Variants in ZFC3H1 observed in about 807,000 individuals in gnomAD.
ZFC3H1 encodes zinc finger C3H1-type containing, also known as zinc finger C3H1 domain-containing protein.
ZFC3H1 carries 71 observed loss-of-function variants against 243.7 expected under a neutral mutation model. The observed-to-expected ratio is 0.29, with a 90% confidence interval of 0.24 to 0.36. The LOEUF is 0.36. Among genes scored for constraint, ZFC3H1 ranks in the 10% least tolerant of loss-of-function variants. The pLI is 1.00. For synonymous variants in ZFC3H1, 838 were observed against 813.0 expected (o/e 1.03, Z -0.52); for missense variants, 1,966 against 2,317.1 (o/e 0.85, Z 3.11).
At position 71,635,428 on chromosome 12, in the gene ZFC3H1, A is replaced by C. The variant is rs776595013; in HGVS notation, c.2238+15T>G. On this transcript the variant is annotated intron_variant, in intron 10 of 34. Transcript: ENST00000378743. Reference sequence around the variant, plus strand: ...AAAGGTCATCTTTCTTTCCACCTTTAATTATTGCACTTACCTCAGCAGTTC... The same window carrying C: ...AAAGGTCATCTTTCTTTCCACCTTTCATTATTGCACTTACCTCAGCAGTTC... 1 of 1,558,258 alleles carries C rather than the reference A, an allele frequency of 6.4e-7. No homozygotes were observed. The highest frequency in any genetic ancestry group is 2.4e-5 in the East Asian group (1 of 41,624).
intron 30 of ZFC3H1, 69 bp downstream of exon 30, chr12:71,614,466 T>A: frequency 7.1e-7 from 1 of 1,401,356 alleles, no homozygotes; most frequent in South Asian, 1.6e-5. Flanking sequence ...AAAACAGGAG[T>A]TTTGCTATCA....
intron 6 of ZFC3H1, among the ~76,000 whole-genome samples, chr12:71,640,855 A>G (rs1443331287): frequency 1.3e-5 from 2 of 151,570 alleles, no homozygotes; most frequent in Admixed American, 6.6e-5. Context: ...CCGTATTTGA[A>G]TTCTCTTGGT....
At chr12:71,626,862 T>C (rs1880182049) in intron 21 of ZFC3H1, among the ~76,000 whole-genome samples, 1 of 152,210 alleles carries the variant, frequency 6.6e-6, no homozygotes, top group Non-Finnish European at 1.5e-5. Flanking sequence ...ATAATAGTTC[T>C]TTTCAACGGT....
intron 2 of ZFC3H1, among the ~76,000 whole-genome samples, chr12:71,655,160 G>T (rs988062467): frequency 6.6e-5 from 10 of 152,004 alleles, no homozygotes; most frequent in Non-Finnish European, 1.5e-4. Flanking sequence ...ATTACATACT[G>T]GACAATAAAG....
chr12:71,629,915 A>T (rs1282303085), intron 18 of ZFC3H1, among the ~76,000 whole-genome samples: 4 of 119,914 alleles, frequency 3.3e-5, no homozygotes, highest in Admixed American at 2.4e-4. Flanking sequence ...ATTTGGGATT[A>T]AAAAAAAAAA....
In ZFC3H1 at chr12:71,624,101, T is replaced by C. The variant is rs1202270246; in HGVS notation, c.4506+3A>G. ...GCAATTAAATGCTGTACCAAGTGCT[T>C]ACCTGTAAAATTGCCAGTGCACTTT... On this transcript the variant is annotated splice_donor_region_variant and intron_variant, in intron 23 of 34. Transcript: ENST00000378743. 1.9e-5 allele frequency: 31 copies of C among 1,610,956 alleles called. No homozygotes were observed. Among genetic ancestry groups the C allele is most frequent in the Non-Finnish European group, 2.5e-5 (30 of 1,178,874 alleles).
At chr12:71,653,380 T>C (rs1468961389) in intron 2 of ZFC3H1, among the ~76,000 whole-genome samples, 1 of 152,062 alleles carries the variant, frequency 6.6e-6, no homozygotes, top group Non-Finnish European at 1.5e-5. Context: ...CTTAGAGAAA[T>C]GAAGAGACAT....
At chr12:71,629,746 T>C in intron 18 of ZFC3H1, 36 bp from the exon 19 acceptor site, 1 of 1,280,028 alleles carries the variant, frequency 7.8e-7, no homozygotes, top group Non-Finnish European at 1.1e-6. Context: ...ATGATAAATA[T>C]CAATTACAGA....
chr12:71,632,530 G>A lies in ZFC3H1; in HGVS notation c.2818-16C>T. 1.3e-6 allele frequency: 2 copies of A among 1,530,972 alleles called. No homozygotes were observed. Among genetic ancestry groups the A allele is most frequent in the Non-Finnish European group, 8.7e-7 (1 of 1,152,638 alleles). The allele number at this position is 1,530,972 out of a possible 1,614,324, so 94.8% of individuals were successfully genotyped here. On this transcript the variant is annotated splice_polypyrimidine_tract_variant and intron_variant, in intron 14 of 34. Transcript: ENST00000378743. The stretch of plus-strand genomic sequence containing the variant: ...TTTTGTTTGGCTAAGGGAGAAAAAT[G>A]ATACACGTATTTTACATCACTGTGA...
In ZFC3H1 at chr12:71,663,298, G is replaced by C; in HGVS notation, c.313C>G (p.Arg105Gly). Residue 105 changes from arginine to glycine, a missense_variant, in exon 1 of 35, where the codon CGA becomes GGA. Around this residue, in one of 4 missense-constraint regions of ZFC3H1, gnomAD observed 484 missense variants for 449.7 expected, o/e 1.08. Transcript: ENST00000378743. ...RGHLRGPSSY[R>G]PKEPFRSHPP... ...TGAGACCGGAACGGTTCTTTGGGTC[G>C]GTAGCTGCTGGGTCCCCTGAGGTGG... is the stretch of plus-strand genomic sequence containing the variant. The C allele has an allele frequency of 1.2e-6, 2 of 1,613,416 alleles. No individual in the cohort carries two copies. The highest frequency in any genetic ancestry group is 1.7e-6 in the Non-Finnish European group (2 of 1,180,030).
rs780969841 is a variant in ZFC3H1 at position 71,663,611 on chromosome 12, C to T, written c.-1G>A. The T allele has an allele frequency of 1.9e-6, 3 of 1,607,152 alleles. No homozygotes were observed. In the Admixed American group the frequency reaches 5.0e-5, roughly 27 times the overall value. On this transcript the variant is annotated 5_prime_UTR_variant, in exon 1 of 35. Coordinates refer to ENST00000378743, the MANE Select transcript of ZFC3H1 (RefSeq NM_144982.5). ...GGGCCGGAGTATCTGCGGTCGCCAT[C>T]CGGGGAGCAGCGCCTTCCACACAAC...
chr12:71,644,427 T>C lies in ZFC3H1; in HGVS notation c.1280-109A>G, dbSNP rs1190857655. 4.2e-6 allele frequency: 5 copies of C among 1,197,898 alleles called. No individual in the cohort carries two copies. The African/African-American group carries it at 7.7e-5, about 18-fold the overall frequency. 74.2% of individuals were successfully genotyped at this position (1,197,898 alleles called of 1,614,324 possible). A position where few individuals can be genotyped will look rare whatever the true frequency, so the allele number is the denominator to read the frequency against. Reference sequence around the variant, plus strand: ...ATTAATCAGTGATGATGCTCCTAAGTTGTTTATATAAGATTGTCTTCCATT... The same window carrying C: ...ATTAATCAGTGATGATGCTCCTAAGCTGTTTATATAAGATTGTCTTCCATT... On this transcript the variant is annotated intron_variant, in intron 4 of 34. Transcript: ENST00000378743.
At chr12:71,647,859 C>T (rs778805933) in intron 2 of ZFC3H1, 46 bp from the exon 3 acceptor site, 1 of 759,660 alleles carries the variant, frequency 1.3e-6, no homozygotes, top group South Asian at 1.8e-5. Flanking sequence ...AAGATAGCCA[C>T]AATCTAAAAT....
chr12:71,618,165 T>C (rs1393385469), intron 27 of ZFC3H1, among the ~76,000 whole-genome samples: 2 of 151,918 alleles, frequency 1.3e-5, no homozygotes, highest in African/African-American at 4.8e-5. Flanking sequence ...CTCAGGAGGC[T>C]GAGGCAGGAG....
chr12:71,653,923 G>C (rs1055769849), intron 2 of ZFC3H1, among the ~76,000 whole-genome samples: 7 of 152,210 alleles, frequency 4.6e-5, no homozygotes, highest in Non-Finnish European at 7.3e-5. Context: ...TGAGGCATGA[G>C]AATCACTTGA....
chr12:71,656,618 A>G (rs751186077), intron 2 of ZFC3H1: 24 of 611,304 alleles, frequency 3.9e-5, no homozygotes, highest in Non-Finnish European at 6.5e-5. Flanking sequence ...ATTTTCTTTA[A>G]ATTAGGAAAC....
chr12:71,626,360 T>A lies in ZFC3H1; in HGVS notation c.4217A>T (p.His1406Leu). The change falls in exon 22 of 35, where the codon CAT becomes CTT. Residue 1406 changes from histidine (H) to leucine (L), a missense_variant. Around this residue, in one of 4 missense-constraint regions of ZFC3H1, gnomAD observed 1,383 missense variants for 1,723.7 expected, o/e 0.80. Coordinates refer to ENST00000378743, the MANE Select transcript of ZFC3H1 (RefSeq NM_144982.5). ...TCTTTTTGAGAACAATCTGAGGTAA[T>A]GGCACCAAATTTCTGGATTGTCTTT... is the stretch of plus-strand genomic sequence containing the variant. Reference protein sequence around the residue: ...NNKDNPEIWCHYLRLFSKRGT... With the variant: ...NNKDNPEIWCLYLRLFSKRGT... 1 of 1,614,072 alleles carries A rather than the reference T, an allele frequency of 6.2e-7. No individual in the cohort carries two copies. Among genetic ancestry groups the A allele is most frequent in the Non-Finnish European group, 8.5e-7 (1 of 1,179,984 alleles).
At position 71,663,553 on chromosome 12, in the gene ZFC3H1, C is replaced by A; in HGVS notation, c.58G>T (p.Gly20Trp). 6.2e-7 allele frequency: 1 copy of A among 1,613,354 alleles called. No individual in the cohort carries two copies. The highest frequency in any genetic ancestry group is 8.5e-7 in the Non-Finnish European group (1 of 1,180,036). Residue 20 changes from glycine to tryptophan, a missense_variant, in exon 1 of 35, where the codon GGG becomes TGG. Physicochemically the swap from Gly to Trp is radical, Grantham distance 184. Coordinates refer to ENST00000378743, the MANE Select transcript of ZFC3H1 (RefSeq NM_144982.5). ...ASSGLSPKEE[G>W]ELEDGEISDD... is the part of the protein sequence containing the mutation. ...CTGATTTCCCCATCTTCAAGCTCCC[C>A]TTCTTCCTTCGGCGAGAGGCCACTG...
Position 71,634,747 on chromosome 12 carries a change from C to T in ZFC3H1, c.2317G>A (p.Glu773Lys). The change falls in exon 11 of 35, where the codon GAA (glutamate) becomes AAA (lysine). Residue 773 changes from glutamate to lysine, a missense_variant. Coordinates refer to ENST00000378743, the MANE Select transcript of ZFC3H1 (RefSeq NM_144982.5). ...AACAATCTATATTCAATCTTCTTTT[C>T]TTCAGGCAAAGCCTCCGGTGTTCGC... ...PLRTPEALPE[E>K]KKIEYRLLKE... is the part of the protein sequence containing the mutation. The T allele has an allele frequency of 6.2e-7, 1 of 1,605,458 alleles. No individual in the cohort carries two copies. Among genetic ancestry groups the T allele is most frequent in the Non-Finnish European group, 8.5e-7 (1 of 1,176,594 alleles).
Sources: gnomAD v4.1 joint callset for allele counts (sites outside exome capture counted in the v4.1 genomes callset) on GRCh38, gnomAD v4.1.1 for gene constraint, gnomAD v4.1.1 regional missense constraint, MANE v1.5 for transcripts, NCBI Gene and HGNC (gene_info 2026-07-23, HGNC 2026-07-21) for gene names.